DNAJB1: variants seen among roughly 807,000 people sequenced by gnomAD.
DNAJB1 encodes DnaJ heat shock protein family (Hsp40) member B1, also known as dnaJ homolog subfamily B member 1.
A neutral mutation model predicts 24.0 loss-of-function variants in DNAJB1; 14 were observed. The observed-to-expected ratio is 0.58, with a 90% confidence interval of 0.39 to 0.91. The LOEUF (loss-of-function observed/expected upper bound fraction) is 0.91. Among genes scored for constraint, DNAJB1 ranks in the 40% least tolerant of loss-of-function variants. DNAJB1 has a pLI of 0.00. For synonymous variants in DNAJB1, 262 were observed against 174.4 expected, an observed-to-expected ratio of 1.50 and a Z score of -3.96; for missense variants, 517 against 458.1, an observed-to-expected ratio of 1.13 and a Z score of -1.17.
chr19:14,535,562 AT>A (rs2072858420), intron 1 of DNAJB1, among the ~76,000 whole-genome samples: 1 of 27,914 alleles, frequency 3.6e-5, no homozygotes, highest in African/African-American at 1.4e-4. Flanking sequence ...ATATATATAT[AT>A]ATATATATAT....
intron 2 of DNAJB1, among the ~76,000 whole-genome samples, chr19:14,526,991 G>A (rs1555727011): frequency 6.6e-6 from 1 of 151,726 alleles, no homozygotes; most frequent in Non-Finnish European, 1.5e-5. Context: ...ATCACTTGAG[G>A]CCAGGAGTTC....
intron 1 of DNAJB1, among the ~76,000 whole-genome samples, chr19:14,535,186 A>G (rs1344295653): frequency 6.6e-6 from 1 of 151,658 alleles, no homozygotes; most frequent in Non-Finnish European, 1.5e-5. Flanking sequence ...TAGCCTGGCC[A>G]ACATGGCGAA....
intron 1 of DNAJB1, chr19:14,545,707 A>G (rs1366983226): frequency 4.3e-5 from 7 of 161,696 alleles, no homozygotes; most frequent in African/African-American, 1.7e-4. Flanking sequence ...CAGTTAGCAG[A>G]AAAGGTTTTT....
intron 1 of DNAJB1, among the ~76,000 whole-genome samples, chr19:14,541,122 G>A (rs887348992): frequency 1.3e-5 from 2 of 152,056 alleles, no homozygotes; most frequent in African/African-American, 4.8e-5. Flanking sequence ...CACTGTTCCC[G>A]GCCAGTGCCT....
chr19:14,551,045 A>G (rs2073484044), upstream of DNAJB1, among the ~76,000 whole-genome samples: 1 of 151,766 alleles, frequency 6.6e-6, no homozygotes, highest in Non-Finnish European at 1.5e-5. Flanking sequence ...TCATCTTAAG[A>G]TCCTTAATTA....
At chr19:14,560,250 C>T (rs1170070971) in exon 1 of DNAJB1, among the ~76,000 whole-genome samples, 1 of 152,206 alleles carries the variant, frequency 6.6e-6, no homozygotes, top group Admixed American at 6.5e-5. Context: ...ACCCCTCCCA[C>T]TAGCAGCTGG....
rs775253557 is a variant in DNAJB1 at position 14,516,838 on chromosome 19, G to T, written c.420C>A (p.Gly140=). The change falls in exon 2 of 3, where the codon GGC becomes GGA. Residue 140 remains glycine, a synonymous_variant. Coordinates refer to ENST00000254322, the MANE Select transcript of DNAJB1 (RefSeq NM_006145.3). ...PFSGFPMGMG[G]FTNVNFGRSR... Reference sequence around the variant, plus strand: ...AGCGGCCAAAGTTCACGTTGGTGAAGCCACCCATGCCCATAGGGAAGCCAG... The same window carrying T: ...AGCGGCCAAAGTTCACGTTGGTGAATCCACCCATGCCCATAGGGAAGCCAG... 1 of 1,613,806 alleles carries T rather than the reference G, an allele frequency of 6.2e-7. No homozygotes were observed. Among genetic ancestry groups the T allele is most frequent in the East Asian group, 2.2e-5 (1 of 44,890 alleles).
chr19:14,527,277 G>A (rs2072445385), intron 2 of DNAJB1: 1 of 132,100 alleles, frequency 7.6e-6, no homozygotes, highest in Admixed American at 9.1e-5. Flanking sequence ...TGCCTCCTGG[G>A]TTCAACTGAT....
upstream of DNAJB1, among the ~76,000 whole-genome samples, chr19:14,532,899 C>T (rs2072726834): frequency 6.6e-6 from 1 of 151,716 alleles, no homozygotes; most frequent in South Asian, 2.1e-4. Flanking sequence ...CACTTGAAGT[C>T]AGGAGTTCGA....
At chr19:14,529,540 G>T (rs1266083606), upstream of DNAJB1, 4 of 1,091,494 alleles carry the variant, frequency 3.7e-6, no homozygotes, top group East Asian at 9.7e-5. Context: ...CTCGTGCCCT[G>T]ATTGGCCGAC....
intron 2 of DNAJB1, among the ~76,000 whole-genome samples, chr19:14,525,158 A>G (rs1306213678): frequency 6.6e-6 from 1 of 151,848 alleles, no homozygotes; most frequent in Non-Finnish European, 1.5e-5. Context: ...GCTTGAACCC[A>G]GAAGGTGGAG....
intron 1 of DNAJB1, among the ~76,000 whole-genome samples, chr19:14,546,906 T>C (rs749316826): frequency 4.9e-4 from 74 of 152,120 alleles, no homozygotes; most frequent in Non-Finnish European, 8.7e-4. Context: ...GCCAGGCTGG[T>C]CTCAAACTCC....
At chr19:14,540,961 A>G (rs113823799) in intron 1 of DNAJB1, among the ~76,000 whole-genome samples, 1 of 151,684 alleles carries the variant, frequency 6.6e-6, no homozygotes, top group Non-Finnish European at 1.5e-5. Flanking sequence ...CAGGCTCCGG[A>G]GTAACTGGGA....
intron 1 of DNAJB1, among the ~76,000 whole-genome samples, chr19:14,543,583 C>T (rs1261280743): frequency 2.7e-4 from 40 of 146,220 alleles, no homozygotes; most frequent in African/African-American, 8.7e-4. Flanking sequence ...GGACTACAGG[C>T]GCCCGCTACC....
At chr19:14,542,810 C>T (rs544201444) in intron 1 of DNAJB1, among the ~76,000 whole-genome samples, 74 of 152,100 alleles carry the variant, frequency 4.9e-4, no homozygotes, top group African/African-American at 1.7e-3. Context: ...GTTTCCCAGC[C>T]CTGCAAGGTG....
chr19:14,555,962 T>TGGC (rs1375972712), intron 1 of DNAJB1, among the ~76,000 whole-genome samples: 2 of 152,116 alleles, frequency 1.3e-5, no homozygotes, highest in Non-Finnish European at 2.9e-5. Context: ...CACCCAGCAG[T>TGGC]GGCAAGCAGG....
At chr19:14,538,249 AGT>A (rs1265765901) in intron 1 of DNAJB1, among the ~76,000 whole-genome samples, 1 of 152,132 alleles carries the variant, frequency 6.6e-6, no homozygotes. Flanking sequence ...GAAAGAATCA[AGT>A]GTGTGGTGGT....
chr19:14,517,596 G>C (rs1177497008), intron 1 of DNAJB1: 1 of 154,466 alleles, frequency 6.5e-6, no homozygotes, highest in African/African-American at 2.4e-5. Flanking sequence ...CTTACCCTCC[G>C]AGGCGGCCCC....
intron 1 of DNAJB1, chr19:14,529,189 T>A: frequency 4.2e-6 from 1 of 236,550 alleles, no homozygotes; most frequent in Non-Finnish European, 8.8e-6. Flanking sequence ...CTGTTCCCGG[T>A]GTACCCCGGG....
Sources: gnomAD v4.1 joint callset for allele counts (sites outside exome capture counted in the v4.1 genomes callset) on GRCh38, gnomAD v4.1.1 for gene constraint, MANE v1.5 for transcripts, NCBI Gene and HGNC (gene_info 2026-07-23, HGNC 2026-07-21) for gene names.